Variants in MROH2B observed in about 807,000 individuals in gnomAD.
The protein encoded by MROH2B is maestro heat-like repeat-containing protein family member 2B.
A neutral mutation model predicts 208.6 loss-of-function variants in MROH2B; 177 were observed. That is an observed-to-expected ratio of 0.85 (90% confidence interval 0.75 to 0.96). The LOEUF (loss-of-function observed/expected upper bound fraction) is 0.96. Ranked by LOEUF, MROH2B falls within the 40% of genes least tolerant of loss-of-function variation. The pLI, the probability that MROH2B is intolerant of heterozygous loss-of-function variation, is 0.00. For synonymous variants in MROH2B, 728 were observed against 659.0 expected, an observed-to-expected ratio of 1.10 and a Z score of -1.60; for missense variants, 2,002 against 1,878.7, an observed-to-expected ratio of 1.07 and a Z score of -1.21.
chr5:41,025,491 G>A (rs1451230022), intron 24 of MROH2B, among the ~76,000 whole-genome samples: 1 of 152,138 alleles, frequency 6.6e-6, no homozygotes, highest in East Asian at 1.9e-4. Flanking sequence ...CCAGGAAGAA[G>A]TTGAATCCCT....
At chr5:41,065,537 A>C in intron 3 of MROH2B, 47 bp from the exon 4 acceptor site, 1 of 1,537,652 alleles carries the variant, frequency 6.5e-7, no homozygotes, top group Non-Finnish European at 8.9e-7. Context: ...AAAGGGGCAG[A>C]GTGAGTCTAT....
At chr5:41,002,213 A>C (rs1741419294) in intron 37 of MROH2B, among the ~76,000 whole-genome samples, 1 of 152,250 alleles carries the variant, frequency 6.6e-6, no homozygotes, top group South Asian at 2.1e-4. Context: ...TGATAGGTCC[A>C]GGAACAATCA....
chr5:41,023,559 C>T (rs1455860731), intron 24 of MROH2B, among the ~76,000 whole-genome samples: 1 of 152,206 alleles, frequency 6.6e-6, no homozygotes, highest in Non-Finnish European at 1.5e-5. Flanking sequence ...ACCAAATCTA[C>T]ATCTGGTTGG....
chr5:41,019,464 T>C (rs963276406), intron 24 of MROH2B, among the ~76,000 whole-genome samples: 1 of 152,220 alleles, frequency 6.6e-6, no homozygotes, highest in Non-Finnish European at 1.5e-5. Flanking sequence ...ATGTTCTAAA[T>C]AGTGACACAT....
intron 37 of MROH2B, among the ~76,000 whole-genome samples, chr5:41,002,561 A>G (rs1231253477): frequency 6.6e-6 from 1 of 152,234 alleles, no homozygotes; most frequent in Non-Finnish European, 1.5e-5. Context: ...ATATTGGGGC[A>G]ATAGATCATA....
chr5:41,005,299 T>G, intron 35 of MROH2B: 1 of 540,218 alleles, frequency 1.9e-6, no homozygotes. Context: ...TTGTCCCCCT[T>G]TCTCTGCCTT....
intron 30 of MROH2B, among the ~76,000 whole-genome samples, chr5:41,011,462 C>A (rs1413941969): frequency 6.6e-6 from 1 of 152,068 alleles, no homozygotes; most frequent in Non-Finnish European, 1.5e-5. Flanking sequence ...TATCCCAGTG[C>A]CTACCACATA....
At chr5:41,008,388 C>G (rs972486722) in intron 33 of MROH2B, among the ~76,000 whole-genome samples, 6 of 152,130 alleles carry the variant, frequency 3.9e-5, no homozygotes, top group Non-Finnish European at 8.8e-5. Flanking sequence ...AGCATAGCCC[C>G]TTATTCTTTA....
rs753703187 is a variant in MROH2B, at chr5:41,033,808, T to TCTAC, written c.2241+29_2241+30insGTAG. The TCTAC allele has an allele frequency of 3.1e-6, 3 of 973,794 alleles. No individual in the cohort carries two copies. The African/African-American group carries it at 6.6e-5, about 21-fold the overall frequency. The allele number at this position is 973,794 out of a possible 1,614,324, so 60.3% of individuals were successfully genotyped here. Reference sequence around the variant, plus strand: ...ATCTATCTATCTATCTATCTATCTATCTATCTATCTATCTATCTATCTCTC... The same window carrying TCTAC: ...ATCTATCTATCTATCTATCTATCTATCTACCTATCTATCTATCTATCTATCTCTC... On this transcript the variant is annotated intron_variant, in intron 22 of 41. Transcript: ENST00000399564.
In MROH2B at chr5:41,040,153, G is replaced by GT. The variant is rs113750826; in HGVS notation, c.1954-599dup. 1.4e-4 allele frequency among the ~76,000 whole-genome samples: 22 copies of GT among 152,056 alleles called. 1 individual carries two copies. The highest frequency in any genetic ancestry group is 4.2e-4 in the South Asian group (2 of 4,816). ...TATGATTGCTGGGAAGCTAATGGAGGTTTTTTTTCAGCTTGAATTGACTGA... is the reference window on the plus strand; with the variant it reads ...TATGATTGCTGGGAAGCTAATGGAGGTTTTTTTTTCAGCTTGAATTGACTGA... On this transcript the variant is annotated intron_variant, in intron 19 of 41. Transcript: ENST00000399564.
chr5:41,055,100 G>T (rs1255968777), intron 10 of MROH2B, among the ~76,000 whole-genome samples: 2 of 152,068 alleles, frequency 1.3e-5, no homozygotes, highest in East Asian at 3.8e-4. Context: ...TATCATTCCT[G>T]GTGGATCAGA....
At chr5:41,070,342 G>GA (rs1240816825) in intron 1 of MROH2B, among the ~76,000 whole-genome samples, 3 of 151,826 alleles carry the variant, frequency 2.0e-5, no homozygotes, top group South Asian at 2.1e-4. Flanking sequence ...TAGAAAACTG[G>GA]AAAAAAAATT....
chr5:41,030,161 A>G (rs1212484233), intron 24 of MROH2B, among the ~76,000 whole-genome samples: 1 of 152,144 alleles, frequency 6.6e-6, no homozygotes, highest in Non-Finnish European at 1.5e-5. Context: ...GGACTTGAGT[A>G]GACATTTCTC....
Position 41,071,268 on chromosome 5 carries a change from C to T in MROH2B, c.-416G>A. ...GGAATGGTTTTCAGTAGTTGCTTTACTGTCCTGATGTTGGGAAAGGCTTTA... is the reference window on the plus strand; with the variant it reads ...GGAATGGTTTTCAGTAGTTGCTTTATTGTCCTGATGTTGGGAAAGGCTTTA... On this transcript the variant is annotated 5_prime_UTR_variant, in exon 1 of 42. Coordinates refer to ENST00000399564, the MANE Select transcript of MROH2B (RefSeq NM_173489.5). 1 of 204,768 alleles carries T rather than the reference C, an allele frequency of 4.9e-6. No individual in the cohort carries two copies. Among genetic ancestry groups the T allele is most frequent in the Non-Finnish European group, 9.9e-6 (1 of 101,262 alleles). The allele number at this position is 204,768 out of a possible 1,614,324, so 12.7% of individuals were successfully genotyped here.
intron 24 of MROH2B, among the ~76,000 whole-genome samples, chr5:41,028,564 AT>A (rs1406009059): frequency 6.6e-6 from 1 of 151,914 alleles, no homozygotes; most frequent in African/African-American, 2.4e-5. Context: ...ATTATACAAT[AT>A]TTTTTTCTGT....
At chr5:41,017,151 T>C (rs979912398) in intron 28 of MROH2B, among the ~76,000 whole-genome samples, 13 of 152,228 alleles carry the variant, frequency 8.5e-5, no homozygotes, top group African/African-American at 2.7e-4. Flanking sequence ...GCGTCTACTC[T>C]GCAGAACTGC....
chr5:41,030,427 A>T lies in MROH2B; in HGVS notation c.2441+2315T>A, dbSNP rs1404708605. 2.6e-5 allele frequency among the ~76,000 whole-genome samples: 4 copies of T among 152,230 alleles called. No individual in the cohort carries two copies. In the East Asian group the frequency reaches 5.8e-4, roughly 22 times the overall value. ...ATATACTTAACCAAGGAAGTGAAGG[A>T]TCTCTACAAGGAAAACTACAAAGCA... On this transcript the variant is annotated intron_variant, in intron 24 of 41. Coordinates refer to ENST00000399564, the MANE Select transcript of MROH2B (RefSeq NM_173489.5).
Position 41,005,574 on chromosome 5 carries a change from G to C in MROH2B, c.3821C>G (p.Ser1274Cys). ...GCCGGTTATCCGGTAGTTCTCCGAG[G>C]AGGAGGTAAGAGATGAGAGCAGCTG... ...MEQLLSSLTS[S>C]SENYRITGAA... Residue 1274 changes from serine (S) to cysteine (C), a missense_variant, in exon 35 of 42, where the codon TCC becomes TGC. Transcript: ENST00000399564. 1 of 1,610,994 alleles carries C rather than the reference G, an allele frequency of 6.2e-7. No homozygotes were observed.
At position 41,008,676 on chromosome 5, in the gene MROH2B, T is replaced by G. The variant is rs957018284; in HGVS notation, c.3538A>C (p.Thr1180Pro). 1.9e-6 allele frequency: 3 copies of G among 1,613,782 alleles called. No individual in the cohort carries two copies. Among genetic ancestry groups the G allele is most frequent in the Non-Finnish European group, 2.5e-6 (3 of 1,179,852 alleles). Residue 1180 changes from threonine (T) to proline (P), a missense_variant, in exon 33 of 42, where the codon ACT (threonine) becomes CCT (proline). By Grantham distance (38) the Thr-to-Pro change is conservative. Transcript: ENST00000399564. ...TGCCGCCTATGGCTCCAGGGACAAG[T>G]GAGCATCTTCTGGCCCAGTGTGCAG... ...VSCTLGQKML[T>P]CPWSHRRHVM...
Sources: gnomAD v4.1 joint callset for allele counts (sites outside exome capture counted in the v4.1 genomes callset) on GRCh38, gnomAD v4.1.1 for gene constraint, MANE v1.5 for transcripts, NCBI Gene and HGNC (gene_info 2026-07-23, HGNC 2026-07-21) for gene names.